Variants in PAQR8 observed in about 807,000 individuals in gnomAD.
PAQR8 encodes membrane progestin receptor beta.
A neutral mutation model predicts 25.2 loss-of-function variants in PAQR8; 17 were observed. The observed-to-expected ratio is 0.67, with a 90% CI of 0.46 to 1.01. The LOEUF is 1.01. Among genes scored for constraint, PAQR8 ranks in the 50% least tolerant of loss-of-function variants. The probability of loss-of-function intolerance (pLI) is 0.00; values close to 1 mark genes in which losing one functional copy is unlikely to be tolerated. For synonymous variants in PAQR8, 204 were observed against 190.6 expected, an observed-to-expected ratio of 1.07 and a Z score of -0.58; for missense variants, 392 against 448.4, an observed-to-expected ratio of 0.87 and a Z score of 1.14.
chr6:52,364,004 G>A (rs1209346570), intron 1 of PAQR8, among the ~76,000 whole-genome samples: 1 of 149,644 alleles, frequency 6.7e-6, no homozygotes, highest in Non-Finnish European at 1.5e-5. Context: ...AATTATTTCA[G>A]TTATTTGGCG....
In PAQR8 at chr6:52,404,509, G is replaced by A. The variant is rs75489244; in HGVS notation, c.*231G>A. The A allele has an allele frequency of 0.013, 6,041 of 451,866 alleles. 252 individuals carry two copies. Among genetic ancestry groups the A allele is most frequent in the African/African-American group, 0.093 (4,747 of 51,122 alleles). 28.0% of individuals were successfully genotyped at this position (451,866 alleles called of 1,614,324 possible). On this transcript the variant is annotated 3_prime_UTR_variant, in exon 2 of 2. Coordinates refer to ENST00000442253, the MANE Select transcript of PAQR8 (RefSeq NM_133367.5). Reference sequence around the variant, plus strand: ...GCTTAACAAGGCACAGGAAGGGAAGGGATCTTGACTAAGATTCATGAGACA... The same window carrying A: ...GCTTAACAAGGCACAGGAAGGGAAGAGATCTTGACTAAGATTCATGAGACA...
At chr6:52,377,450 T>C (rs1763498039) in intron 1 of PAQR8, among the ~76,000 whole-genome samples, 1 of 152,204 alleles carries the variant, frequency 6.6e-6, no homozygotes. Flanking sequence ...AGTTTTTTAA[T>C]GGTGTTTATG....
chr6:52,384,395 C>T (rs186876313), intron 1 of PAQR8, among the ~76,000 whole-genome samples: 2 of 151,952 alleles, frequency 1.3e-5, no homozygotes, highest in Non-Finnish European at 1.5e-5. Context: ...AAAGGTGTGG[C>T]GGGTGGAGGG....
intron 1 of PAQR8, among the ~76,000 whole-genome samples, chr6:52,400,440 C>T (rs1338002674): frequency 6.6e-6 from 1 of 152,212 alleles, no homozygotes; most frequent in African/African-American, 2.4e-5. Flanking sequence ...CTGTCATTTA[C>T]TCCACAGATA....
At chr6:52,379,619 CTTT>C (rs909812638) in intron 1 of PAQR8, among the ~76,000 whole-genome samples, 22 of 77,236 alleles carry the variant, frequency 2.8e-4, no homozygotes, top group Admixed American at 5.2e-4. Context: ...ACCCAGCTTT[CTTT>C]TTTTTTTTTT....
chr6:52,400,470 C>T (rs1170385076), intron 1 of PAQR8, among the ~76,000 whole-genome samples: 1 of 152,204 alleles, frequency 6.6e-6, no homozygotes, highest in Non-Finnish European at 1.5e-5. Flanking sequence ...AGGCTGGATT[C>T]ATGCAGCTTG....
chr6:52,386,140 A>G (rs1396000886), intron 1 of PAQR8, among the ~76,000 whole-genome samples: 1 of 152,022 alleles, frequency 6.6e-6, no homozygotes, highest in East Asian at 1.9e-4. Context: ...CAAAACTACA[A>G]CCAGATACTA....
chr6:52,383,021 A>G (rs1324353887), intron 1 of PAQR8, among the ~76,000 whole-genome samples: 1 of 152,246 alleles, frequency 6.6e-6, no homozygotes, highest in Non-Finnish European at 1.5e-5. Context: ...CCTGGGTTCA[A>G]GTGATCAGCC....
chr6:52,383,728 C>T (rs1763596196), intron 1 of PAQR8, among the ~76,000 whole-genome samples: 1 of 150,470 alleles, frequency 6.6e-6, no homozygotes, highest in Non-Finnish European at 1.5e-5. Flanking sequence ...TGTACTCTAA[C>T]ATGTTAATAT....
intron 1 of PAQR8, among the ~76,000 whole-genome samples, chr6:52,366,030 A>G (rs1028243065): frequency 2.6e-5 from 4 of 152,198 alleles, no homozygotes; most frequent in African/African-American, 9.6e-5. Context: ...GATTCTGGTA[A>G]ACATTCCCTT....
chr6:52,387,175 G>T (rs1763642981), intron 1 of PAQR8, among the ~76,000 whole-genome samples: 1 of 152,186 alleles, frequency 6.6e-6, no homozygotes, highest in South Asian at 2.1e-4. Context: ...GGTGCCCTTA[G>T]GAAAGAGCCC....
At chr6:52,382,821 G>T (rs192874060) in intron 1 of PAQR8, among the ~76,000 whole-genome samples, 54 of 152,174 alleles carry the variant, frequency 3.5e-4, no homozygotes, top group Admixed American at 1.6e-3. Flanking sequence ...TTAAGACAGG[G>T]TCTCACTCTG....
At chr6:52,372,176 T>C (rs1166924094) in intron 1 of PAQR8, among the ~76,000 whole-genome samples, 1 of 152,174 alleles carries the variant, frequency 6.6e-6, no homozygotes, top group Non-Finnish European at 1.5e-5. Context: ...GCACGAGCCA[T>C]TAAAACTTGG....
rs375919138 is a variant in PAQR8 at position 52,403,471 on chromosome 6, C to T, written c.258C>T (p.Ala86=). 4 of 1,614,118 alleles carry T rather than the reference C, an allele frequency of 2.5e-6. No homozygotes were observed. The African/African-American group carries it at 5.3e-5, about 22-fold the overall frequency. ...ACGTCTGGACCCATTTACTGGCAGC[C>T]CTGGCCGTCCTCTTGCGATTCTGGG... ...VVNVWTHLLA[A]LAVLLRFWAF... is the part of the protein sequence containing the mutation. Residue 86 remains alanine, a synonymous_variant, in exon 2 of 2, where the codon GCC becomes GCT. Transcript: ENST00000442253.
intron 1 of PAQR8, among the ~76,000 whole-genome samples, chr6:52,363,159 A>G (rs1350956561): frequency 6.6e-6 from 1 of 152,036 alleles, no homozygotes; most frequent in Admixed American, 6.5e-5. Context: ...CGCTTGGGGA[A>G]TATTCGGAGC....
chr6:52,365,083 G>A (rs1377834279), intron 1 of PAQR8, among the ~76,000 whole-genome samples: 3 of 151,798 alleles, frequency 2.0e-5, no homozygotes, highest in Non-Finnish European at 4.4e-5. Context: ...CTCTGTCATT[G>A]TGGATTTTTA....
At chr6:52,376,692 A>G (rs1399080681) in intron 1 of PAQR8, among the ~76,000 whole-genome samples, 2 of 152,198 alleles carry the variant, frequency 1.3e-5, no homozygotes, top group Non-Finnish European at 2.9e-5. Flanking sequence ...AGTGATGCGT[A>G]TGTAAAAATC....
chr6:52,375,166 C>G (rs559330037), intron 1 of PAQR8, among the ~76,000 whole-genome samples: 9 of 152,066 alleles, frequency 5.9e-5, no homozygotes, highest in Non-Finnish European at 1.2e-4. Context: ...CTCTGTGCCA[C>G]TGTTCCCTCC....
chr6:52,382,621 A>T (rs922704501), intron 1 of PAQR8, among the ~76,000 whole-genome samples: 1 of 152,182 alleles, frequency 6.6e-6, no homozygotes, highest in East Asian at 1.9e-4. Context: ...TATCCAAAAA[A>T]ATCTTATTTA....
Sources: gnomAD v4.1 joint callset for allele counts (sites outside exome capture counted in the v4.1 genomes callset) on GRCh38, gnomAD v4.1.1 for gene constraint, MANE v1.5 for transcripts, NCBI Gene and HGNC (gene_info 2026-07-23, HGNC 2026-07-21) for gene names.